Variants in CMIP observed in about 807,000 individuals in gnomAD.
The protein encoded by CMIP is c-Maf inducing protein.
A neutral mutation model predicts 97.3 loss-of-function variants in CMIP; 13 were observed. That is an observed-to-expected ratio of 0.13 (90% CI 0.09 to 0.21). The LOEUF (loss-of-function observed/expected upper bound fraction) is 0.21, where lower values mean the gene tolerates loss of function less well. Ranked by LOEUF, CMIP falls within the 10% of genes least tolerant of loss-of-function variation. The pLI, the probability that CMIP is intolerant of heterozygous loss-of-function variation, is 1.00. For synonymous variants in CMIP, 538 were observed against 436.3 expected (o/e 1.23, Z -2.91); for missense variants, 847 against 1,024.9 (o/e 0.83, Z 2.37).
At chr16:81,643,479 G>A (rs117400233) in intron 3 of CMIP, among the ~76,000 whole-genome samples, 1 of 152,198 alleles carries the variant, frequency 6.6e-6, no homozygotes, top group Non-Finnish European at 1.5e-5. Context: ...AAACGCCGCT[G>A]AAGTGTTCAC....
intron 1 of CMIP, among the ~76,000 whole-genome samples, chr16:81,597,476 T>G (rs1013107252): frequency 6.6e-6 from 1 of 151,878 alleles, no homozygotes. Context: ...CTGCTCAGAG[T>G]GTTCATTTCT....
chr16:81,621,734 A>T lies in CMIP; in HGVS notation c.477+808A>T, dbSNP rs1316943099. 2.0e-5 allele frequency: 3 copies of T among 152,758 alleles called. No individual in the cohort carries two copies. The highest frequency in any genetic ancestry group is 7.2e-5 in the African/African-American group (3 of 41,560). The allele number at this position is 152,758 out of a possible 1,614,324, so 9.5% of individuals were successfully genotyped here. ...ACAGTAAGCTGGGGAGCCACAGGGG[A>T]TGAACAGCTGGCCCCATGCAGAGCT... On this transcript the variant is annotated intron_variant, in intron 3 of 20. Coordinates refer to ENST00000537098, the MANE Select transcript of CMIP (RefSeq NM_198390.3). The surrounding 1 kb of genome is among the most constrained non-coding windows in gnomAD (Gnocchi z 4.1).
rs756646185 is a variant in CMIP at position 81,657,790 on chromosome 16, A to C, written c.655A>C (p.Thr219Pro). ...KLLSENTNLTTQEHENIIVAI... is the reference protein window; with the variant it reads ...KLLSENTNLTPQEHENIIVAI... ...AATCCTTTAGAACACAAACTTGACC[A>C]CCCAGGAGCATGAAAACATCATTGT... Residue 219 changes from threonine (T) to proline (P), a missense_variant, in exon 5 of 21, where the codon ACC becomes CCC. This residue lies in a region of CMIP where 285 missense variants were observed against 392.2 expected (regional missense o/e 0.73). Coordinates refer to ENST00000537098, the MANE Select transcript of CMIP (RefSeq NM_198390.3). The C allele has an allele frequency of 2.4e-5, 39 of 1,608,186 alleles. No homozygotes were observed. Among genetic ancestry groups the C allele is most frequent in the Non-Finnish European group, 3.3e-5 (39 of 1,177,504 alleles).
At chr16:81,647,659 G>C (rs1389980369) in intron 3 of CMIP, among the ~76,000 whole-genome samples, 1 of 152,110 alleles carries the variant, frequency 6.6e-6, no homozygotes, top group East Asian at 1.9e-4. Context: ...CTGAGGGCCA[G>C]CCTCCAGGGA....
intron 1 of CMIP, among the ~76,000 whole-genome samples, chr16:81,474,965 G>C (rs1167515456): frequency 6.6e-6 from 1 of 152,230 alleles, no homozygotes; most frequent in African/African-American, 2.4e-5. Context: ...ATTTTGGAAG[G>C]TTTGGGATGT....
At chr16:81,532,859 G>T (rs138434231) in intron 1 of CMIP, among the ~76,000 whole-genome samples, 27 of 152,270 alleles carry the variant, frequency 1.8e-4, no homozygotes, top group African/African-American at 6.0e-4. Flanking sequence ...TCTCTGCCCA[G>T]ACAGCATGGC....
chr16:81,687,347 G>T (rs992635897), intron 10 of CMIP, among the ~76,000 whole-genome samples: 20 of 152,190 alleles, frequency 1.3e-4, no homozygotes, highest in Non-Finnish European at 2.9e-5. Context: ...GATGGGGACT[G>T]CTCCAGTGGC....
intron 1 of CMIP, among the ~76,000 whole-genome samples, chr16:81,590,446 T>C (rs569980169): frequency 6.6e-6 from 1 of 152,296 alleles, no homozygotes; most frequent in African/African-American, 2.4e-5. Flanking sequence ...TCCTGGCAGC[T>C]CACTTCTGGA....
At chr16:81,628,834 C>A (rs193068150) in intron 3 of CMIP, among the ~76,000 whole-genome samples, 147 of 152,186 alleles carry the variant, frequency 9.7e-4, no homozygotes, top group Non-Finnish European at 3.1e-4. Flanking sequence ...TCTCCCATCA[C>A]CACTAGGGTT....
At chr16:81,445,977 AAACAACACAACAAAACCTC>A (rs1905814770) in intron 1 of CMIP, among the ~76,000 whole-genome samples, 1 of 151,530 alleles carries the variant, frequency 6.6e-6, no homozygotes, top group Non-Finnish European at 1.5e-5. Flanking sequence ...AAAAAAAAAC[AAACAACACAACAAAACCTC>A]CAAACCCCCA....
chr16:81,703,918 C>T (rs573590950), intron 17 of CMIP, 21 bp from the exon 18 acceptor site: 2 of 1,584,316 alleles, frequency 1.3e-6, no homozygotes, highest in East Asian at 4.6e-5. Flanking sequence ...ACCCTCAGGC[C>T]TCTCCCCCGT....
chr16:81,540,782 G>A (rs1480428888), intron 1 of CMIP, among the ~76,000 whole-genome samples: 2 of 151,838 alleles, frequency 1.3e-5, no homozygotes, highest in Non-Finnish European at 2.9e-5. Context: ...CCAGGTTCAA[G>A]CGATGCTCCT....
intron 3 of CMIP, among the ~76,000 whole-genome samples, chr16:81,626,961 G>T (rs2150968324): frequency 6.6e-6 from 1 of 151,332 alleles, no homozygotes; most frequent in East Asian, 1.9e-4. Context: ...CTGAGTGTGT[G>T]TGTGGCATAT....
In CMIP at chr16:81,678,261, G is replaced by T. The variant is rs745936657; in HGVS notation, c.1035-14G>T. 6.4e-7 allele frequency: 1 copy of T among 1,566,890 alleles called. No individual in the cohort carries two copies. Among genetic ancestry groups the T allele is most frequent in the African/African-American group, 1.3e-5 (1 of 74,102 alleles). The stretch of plus-strand genomic sequence containing the variant: ...TGCCTGTACTCATGTGCCCTCTCCC[G>T]CCTCTTCCCCCAGCCGCGACAATTC... On this transcript the variant is annotated splice_polypyrimidine_tract_variant and intron_variant, in intron 9 of 20. Coordinates refer to ENST00000537098, the MANE Select transcript of CMIP (RefSeq NM_198390.3).
chr16:81,501,571 G>A (rs2150778961), intron 1 of CMIP, among the ~76,000 whole-genome samples: 1 of 151,842 alleles, frequency 6.6e-6, no homozygotes. Context: ...CAGGATGGGT[G>A]TGGCATGGGC....
intron 1 of CMIP, among the ~76,000 whole-genome samples, chr16:81,550,982 C>T (rs1247817341): frequency 6.9e-6 from 1 of 144,542 alleles, no homozygotes; most frequent in East Asian, 2.1e-4. Flanking sequence ...ACCCCAGTCC[C>T]GTCACACGCA....
At chr16:81,520,217 C>T (rs561695751) in intron 1 of CMIP, 81 of 152,298 alleles carry the variant, frequency 5.3e-4, no homozygotes, top group Non-Finnish European at 7.9e-4. Flanking sequence ...GTTTGAACCC[C>T]AGGTCTGCCT....
At chr16:81,604,928 T>C (rs1472888702) in intron 1 of CMIP, among the ~76,000 whole-genome samples, 2 of 152,182 alleles carry the variant, frequency 1.3e-5, no homozygotes, top group Non-Finnish European at 2.9e-5. Context: ...TGTCAGGAAA[T>C]TAGTAATCAC....
At chr16:81,488,933 A>G (rs1317887575) in intron 1 of CMIP, among the ~76,000 whole-genome samples, 1 of 151,464 alleles carries the variant, frequency 6.6e-6, no homozygotes, top group Admixed American at 6.6e-5. Context: ...ATGGCCTTTC[A>G]GACCTTCCTG....
Sources: gnomAD v4.1 joint callset for allele counts (sites outside exome capture counted in the v4.1 genomes callset) on GRCh38, gnomAD v4.1.1 for gene constraint, gnomAD v4.1.1 regional missense constraint, Gnocchi (gnomAD v3.1) non-coding constraint, MANE v1.5 for transcripts, NCBI Gene and HGNC (gene_info 2026-07-23, HGNC 2026-07-21) for gene names.